FBXL2: variants seen among roughly 807,000 people sequenced by gnomAD.
The protein encoded by FBXL2 is F-box/LRR-repeat protein 2.
In FBXL2, 38 loss-of-function variants were observed where a neutral mutation model predicts 69.2. The observed-to-expected ratio is 0.55, with a 90% CI of 0.42 to 0.72. FBXL2 has a LOEUF of 0.72. Among genes scored for constraint, FBXL2 ranks in the 30% least tolerant of loss-of-function variants. FBXL2 has a pLI of 0.00. For missense variants in FBXL2, 354 were observed against 520.3 expected (o/e 0.68, Z 3.11); for synonymous variants, 192 against 201.3 (o/e 0.95, Z 0.39).
At chr3:33,320,871 A>G (rs111481555) in intron 2 of FBXL2, among the ~76,000 whole-genome samples, 3 of 152,196 alleles carry the variant, frequency 2.0e-5, no homozygotes, top group African/African-American at 7.2e-5. Context: ...AACTTTATTC[A>G]TCAAAAAACA....
chr3:33,421,940 A>G, the FBXL2 span, among the ~76,000 whole-genome samples: 1 of 152,162 alleles, frequency 6.6e-6, no homozygotes, highest in Non-Finnish European at 1.5e-5. Flanking sequence ...GGTACTCCAG[A>G]GGCTGAGGCA....
chr3:33,381,846 T>C (rs1001880036), intron 13 of FBXL2, among the ~76,000 whole-genome samples: 8 of 152,230 alleles, frequency 5.3e-5, no homozygotes, highest in African/African-American at 1.9e-4. Flanking sequence ...TACTATTTGA[T>C]GTAAACCATG....
downstream of FBXL2, chr3:33,388,704 A>T (rs1286472926): frequency 2.0e-5 from 3 of 152,246 alleles, no homozygotes; most frequent in African/African-American, 7.2e-5. Flanking sequence ...AAGCAAAGGG[A>T]AAAAGTCAGA....
At chr3:33,362,098 T>A (rs992176113) in intron 4 of FBXL2, among the ~76,000 whole-genome samples, 2 of 152,188 alleles carry the variant, frequency 1.3e-5, no homozygotes, top group African/African-American at 4.8e-5. Flanking sequence ...GTAGGTATCT[T>A]GAACGGTGGG....
At chr3:33,362,505 A>G (rs1020020308) in intron 4 of FBXL2, among the ~76,000 whole-genome samples, 1 of 152,194 alleles carries the variant, frequency 6.6e-6, no homozygotes, top group Non-Finnish European at 1.5e-5. Flanking sequence ...TTAGTTGGAA[A>G]CAGTGGAACA....
At chr3:33,313,960 T>C (rs1480482701) in intron 2 of FBXL2, among the ~76,000 whole-genome samples, 2 of 152,242 alleles carry the variant, frequency 1.3e-5, no homozygotes, top group African/African-American at 4.8e-5. Flanking sequence ...TTTTCTTTTC[T>C]TGATTATCTT....
intron 2 of FBXL2, among the ~76,000 whole-genome samples, chr3:33,338,721 C>T (rs1185566332): frequency 6.6e-6 from 1 of 152,134 alleles, no homozygotes; most frequent in Admixed American, 6.5e-5. Flanking sequence ...ACTGGCTAGC[C>T]ATATACATAA....
intron 12 of FBXL2, chr3:33,396,360 C>G (rs1363615779): frequency 2.9e-6 from 3 of 1,049,214 alleles, no homozygotes; most frequent in South Asian, 1.8e-5. Context: ...CTACAGGAAT[C>G]TAAGTTCTAT....
intron 2 of FBXL2, among the ~76,000 whole-genome samples, chr3:33,315,788 T>C (rs1273875676): frequency 6.6e-6 from 1 of 152,172 alleles, no homozygotes; most frequent in Non-Finnish European, 1.5e-5. Context: ...TTTGTGGACA[T>C]ATCTTTCTGG....
intron 13 of FBXL2, among the ~76,000 whole-genome samples, chr3:33,380,509 G>C (rs1273850637): frequency 7.0e-6 from 1 of 143,548 alleles, no homozygotes; most frequent in African/African-American, 2.6e-5. Flanking sequence ...TGTGAGCTGA[G>C]ATCTCGCCAT....
chr3:33,379,434 A>G (rs2042868848), intron 13 of FBXL2, among the ~76,000 whole-genome samples: 1 of 152,210 alleles, frequency 6.6e-6, no homozygotes, highest in African/African-American at 2.4e-5. Context: ...AGCTCACTGC[A>G]ACCTCTGCCT....
At chr3:33,372,568 T>G (rs1343256521) in intron 5 of FBXL2, 1 of 163,080 alleles carries the variant, frequency 6.1e-6, no homozygotes, top group African/African-American at 2.4e-5. Flanking sequence ...GAAGTTCCTC[T>G]TCATGACTGA....
At position 33,298,451 on chromosome 3, in the gene FBXL2, C is replaced by T. The variant is rs1420813917; in HGVS notation, c.65+726C>T. On this transcript the variant is annotated intron_variant, in intron 2 of 14. Coordinates refer to ENST00000484457, the MANE Select transcript of FBXL2 (RefSeq NM_012157.5). ...CTTTGGGAGGCTGAGGTGGGTAGAT[C>T]ACTTGAGGCCGGGAATTTGAGACCA... Among the ~76,000 whole-genome samples the T allele has an allele frequency of 3.3e-5, 5 of 151,954 alleles. No homozygotes were observed. The South Asian group carries it at 8.3e-4, about 25-fold the overall frequency.
At chr3:33,401,538 G>C (rs78466504) in intron 12 of FBXL2, among the ~76,000 whole-genome samples, 2 of 152,178 alleles carry the variant, frequency 1.3e-5, no homozygotes, top group Non-Finnish European at 1.5e-5. Context: ...CACTATCCTT[G>C]TGCTTCTAAG....
At chr3:33,297,963 G>C in intron 2 of FBXL2, 1 of 530,408 alleles carries the variant, frequency 1.9e-6, no homozygotes, top group Admixed American at 2.9e-5. Context: ...TTGTAATGTG[G>C]TAAGTATTGT....
intron 1 of FBXL2, among the ~76,000 whole-genome samples, chr3:33,289,036 G>A (rs1057202123): frequency 3.3e-5 from 5 of 152,102 alleles, no homozygotes; most frequent in African/African-American, 1.2e-4. Context: ...GACCATGGAA[G>A]GAGAAAGTTT....
intron 1 of FBXL2, among the ~76,000 whole-genome samples, chr3:33,284,691 C>G (rs1050623848): frequency 2.6e-5 from 4 of 152,046 alleles, no homozygotes; most frequent in African/African-American, 9.7e-5. Context: ...AAGTCTCTTT[C>G]TAGGTCTCTA....
chr3:33,342,747 A>G (rs1267678792), intron 2 of FBXL2, among the ~76,000 whole-genome samples: 2 of 44,558 alleles, frequency 4.5e-5, no homozygotes, highest in African/African-American at 1.0e-4. Context: ...TTTTTTTGAG[A>G]CAGAGTCTCG....
At chr3:33,377,086 T>C (rs918001322) in intron 10 of FBXL2, among the ~76,000 whole-genome samples, 187 bp from the exon 11 acceptor site, 8 of 152,162 alleles carry the variant, frequency 5.3e-5, no homozygotes, top group African/African-American at 1.9e-4. Context: ...AGGAAGATTC[T>C]TGGATTTACT....
Sources: gnomAD v4.1 joint callset for allele counts (sites outside exome capture counted in the v4.1 genomes callset) on GRCh38, gnomAD v4.1.1 for gene constraint, MANE v1.5 for transcripts, NCBI Gene and HGNC (gene_info 2026-07-23, HGNC 2026-07-21) for gene names.